The following LINGO2 variants were observed in gnomAD, a reference collection of about 807,000 sequenced individuals.
The protein encoded by LINGO2 is leucine rich repeat and Ig domain containing 2.
LINGO2 carries 14 observed loss-of-function variants against 30.6 expected under a neutral mutation model. The ratio of observed to expected loss-of-function variants is 0.46; its 90% CI spans 0.30 to 0.72. The LOEUF (loss-of-function observed/expected upper bound fraction) is 0.72, where lower values mean the gene tolerates loss of function less well. Ranked by LOEUF, LINGO2 falls within the 30% of genes least tolerant of loss-of-function variation. The probability of loss-of-function intolerance (pLI) is 0.07; values close to 1 mark genes in which losing one functional copy is unlikely to be tolerated. For synonymous variants in LINGO2, 317 were observed against 288.5 expected, an observed-to-expected ratio of 1.10 and a Z score of -1.00; for missense variants, 729 against 751.7, an observed-to-expected ratio of 0.97 and a Z score of 0.35.
At chr9:28,663,224 G>A (rs1828652545) in intron 1 of LINGO2, among the ~76,000 whole-genome samples, 2 of 152,126 alleles carry the variant, frequency 1.3e-5, no homozygotes, top group Admixed American at 1.3e-4. Flanking sequence ...AGGCTGGAGT[G>A]CAGTGGTGCC....
intron 4 of LINGO2, among the ~76,000 whole-genome samples, chr9:28,126,086 C>G (rs889631889): frequency 6.6e-6 from 1 of 152,058 alleles, no homozygotes; most frequent in African/African-American, 2.4e-5. Flanking sequence ...TGATAAAAGG[C>G]CATAGAATTT....
chr9:29,112,394 G>C, the LINGO2 span, among the ~76,000 whole-genome samples: 1 of 152,080 alleles, frequency 6.6e-6, no homozygotes, highest in African/African-American at 2.4e-5. Flanking sequence ...GGGCTTTCCA[G>C]GTGATTCCAA....
the LINGO2 span, among the ~76,000 whole-genome samples, chr9:28,915,060 A>C: frequency 1.3e-5 from 2 of 152,100 alleles, no homozygotes; most frequent in African/African-American, 4.8e-5. Flanking sequence ...TGAACCCGGG[A>C]GGCGGAGGTT....
At chr9:28,811,896 G>C in the LINGO2 span, among the ~76,000 whole-genome samples, 2 of 151,904 alleles carry the variant, frequency 1.3e-5, no homozygotes, top group Non-Finnish European at 2.9e-5. Context: ...TGAGAGCAAG[G>C]AACTCGTTTT....
chr9:28,883,628 G>GTGTGTGTGTATATATA, the LINGO2 span, among the ~76,000 whole-genome samples: 1 of 64,178 alleles, frequency 1.6e-5, no homozygotes, highest in Non-Finnish European at 3.0e-5. Flanking sequence ...ATGTGTGTGT[G>GTGTGTGTGTATATATA]TATATATATA....
At chr9:28,378,100 T>A (rs1821200456) in intron 2 of LINGO2, among the ~76,000 whole-genome samples, 1 of 152,228 alleles carries the variant, frequency 6.6e-6, no homozygotes, top group Non-Finnish European at 1.5e-5. Flanking sequence ...ACTCAGGTTA[T>A]GCCACCACTA....
intron 2 of LINGO2, among the ~76,000 whole-genome samples, chr9:28,448,827 A>G (rs1304970414): frequency 6.6e-6 from 1 of 151,784 alleles, no homozygotes; most frequent in Non-Finnish European, 1.5e-5. Flanking sequence ...GAGAGAGTGC[A>G]GCCACAATAC....
At chr9:28,306,231 C>T (rs1452460357) in intron 3 of LINGO2, among the ~76,000 whole-genome samples, 1 of 151,886 alleles carries the variant, frequency 6.6e-6, no homozygotes, top group East Asian at 1.9e-4. Flanking sequence ...CTGAGCCTAG[C>T]ATATTGCATA....
At chr9:29,012,620 T>C in the LINGO2 span, among the ~76,000 whole-genome samples, 36 of 152,068 alleles carry the variant, frequency 2.4e-4, no homozygotes, top group Admixed American at 1.3e-4. Flanking sequence ...TAATTACAAT[T>C]CCTAGTAACA....
chr9:28,404,427 T>G (rs1264533325), intron 2 of LINGO2, among the ~76,000 whole-genome samples: 1 of 152,178 alleles, frequency 6.6e-6, no homozygotes, highest in East Asian at 1.9e-4. Flanking sequence ...TTCAAGCATT[T>G]GAAAACTGAA....
At chr9:28,182,262 T>A (rs569228160) in intron 4 of LINGO2, among the ~76,000 whole-genome samples, 1 of 152,212 alleles carries the variant, frequency 6.6e-6, no homozygotes, top group Non-Finnish European at 1.5e-5. Context: ...ACTAGCCATA[T>A]GCAGAAAACT....
chr9:27,965,756 T>A (rs1820071237), intron 5 of LINGO2, among the ~76,000 whole-genome samples: 1 of 152,120 alleles, frequency 6.6e-6, no homozygotes, highest in Non-Finnish European at 1.5e-5. Context: ...CTATTCTACT[T>A]AAAATTTTAA....
intron 4 of LINGO2, among the ~76,000 whole-genome samples, chr9:28,111,464 T>C (rs1328892875): frequency 6.6e-6 from 1 of 152,016 alleles, no homozygotes; most frequent in African/African-American, 2.4e-5. Context: ...CTATGTGAGT[T>C]TACTGGAATT....
the LINGO2 span, among the ~76,000 whole-genome samples, chr9:29,212,514 C>T: frequency 2.0e-5 from 3 of 152,138 alleles, no homozygotes; most frequent in Admixed American, 1.3e-4. Context: ...GCGCCAGGCT[C>T]ACCTGCCACC....
intron 1 of LINGO2, among the ~76,000 whole-genome samples, chr9:28,565,587 T>C (rs1823334098): frequency 6.6e-6 from 1 of 151,804 alleles, no homozygotes; most frequent in Non-Finnish European, 1.5e-5. Context: ...AGTCTCGCTC[T>C]GTCGCCCAGG....
the LINGO2 span, among the ~76,000 whole-genome samples, chr9:28,760,941 T>C: frequency 9.1e-6 from 1 of 109,462 alleles, no homozygotes; most frequent in African/African-American, 3.8e-5. Flanking sequence ...TGTATATATA[T>C]ATATACACAC....
At chr9:28,233,467 G>T (rs1483386278) in intron 4 of LINGO2, among the ~76,000 whole-genome samples, 1 of 152,022 alleles carries the variant, frequency 6.6e-6, no homozygotes, top group South Asian at 2.1e-4. Context: ...AAAATGTTAT[G>T]AGCAGTCATT....
intron 3 of LINGO2, among the ~76,000 whole-genome samples, chr9:28,331,896 C>A (rs867176051): frequency 8.5e-5 from 13 of 152,048 alleles, no homozygotes; most frequent in African/African-American, 3.1e-4. Flanking sequence ...ATGTGGTGGG[C>A]GCATCTAAAT....
intron 4 of LINGO2, among the ~76,000 whole-genome samples, chr9:28,246,669 A>G (rs867086534): frequency 1.3e-5 from 2 of 152,164 alleles, no homozygotes; most frequent in Admixed American, 6.5e-5. Flanking sequence ...AACCTAGGCA[A>G]TACCATTCAG....
Sources: gnomAD v4.1 joint callset for allele counts (sites outside exome capture counted in the v4.1 genomes callset) on GRCh38, gnomAD v4.1.1 for gene constraint, MANE v1.5 for transcripts, NCBI Gene and HGNC (gene_info 2026-07-23, HGNC 2026-07-21) for gene names.